Variants in NCS1 observed in about 807,000 individuals in gnomAD.
NCS1 encodes the protein frequenin homolog.
Under a neutral mutation model 28.4 loss-of-function variants are expected in NCS1, and 6 were observed. The ratio of observed to expected loss-of-function variants is 0.21; its 90% CI spans 0.12 to 0.42. The LOEUF (loss-of-function observed/expected upper bound fraction) is 0.42. Among genes scored for constraint, NCS1 ranks in the 10% least tolerant of loss-of-function variants. The probability of loss-of-function intolerance (pLI) is 1.00; values close to 1 mark genes in which losing one functional copy is unlikely to be tolerated. For synonymous variants in NCS1, 86 were observed against 99.3 expected (o/e 0.87, Z 0.79); for missense variants, 131 against 241.4 (o/e 0.54, Z 3.03).
At chr9:130,213,372 G>T (rs1376561580) in intron 2 of NCS1, among the ~76,000 whole-genome samples, 6 of 152,014 alleles carry the variant, frequency 3.9e-5, no homozygotes, top group Admixed American at 3.9e-4. Flanking sequence ...CCGCCTCCTG[G>T]GTTCTCACCA....
At chr9:130,200,599 G>A in intron 1 of NCS1, 1 of 1,551,818 alleles carries the variant, frequency 6.4e-7, no homozygotes, top group South Asian at 1.2e-5. Flanking sequence ...CAGGGATTGA[G>A]AGATGGCAAC....
intron 4 of NCS1, among the ~76,000 whole-genome samples, 154 bp from the exon 5 acceptor site, chr9:130,222,496 C>G (rs535017812): frequency 6.6e-6 from 1 of 152,080 alleles, no homozygotes; most frequent in East Asian, 1.9e-4. Flanking sequence ...GTGTGTCTGT[C>G]CCTGTCTATC....
intron 1 of NCS1, among the ~76,000 whole-genome samples, chr9:130,184,452 T>C (rs1832713312): frequency 1.3e-5 from 2 of 151,952 alleles, no homozygotes; most frequent in Admixed American, 6.6e-5. Context: ...TGCGAAAACA[T>C]TGGTGACAGG....
At chr9:130,174,783 C>A (rs1360792270) in intron 1 of NCS1, among the ~76,000 whole-genome samples, 14 of 67,952 alleles carry the variant, frequency 2.1e-4, no homozygotes, top group African/African-American at 1.1e-3. Context: ...GAGGGAAACT[C>A]TGTCTCCAAA....
chr9:130,212,149 C>T (rs1262423518), intron 2 of NCS1, among the ~76,000 whole-genome samples: 3 of 152,228 alleles, frequency 2.0e-5, no homozygotes, highest in East Asian at 1.9e-4. Context: ...GATGTTGGGA[C>T]GATGGGGCAG....
At position 130,173,191 on chromosome 9, in the gene NCS1, C is replaced by G. The variant is rs550296927; in HGVS notation, c.64+464C>G. The stretch of plus-strand genomic sequence containing the variant: ...TGGCCTGTCGCCCCCTCCCTGGCCC[C>G]GTTCGTGTGGGGGGGGGGGTGGCGA... On this transcript the variant is annotated intron_variant, in intron 1 of 7. Coordinates refer to ENST00000372398, the MANE Select transcript of NCS1 (RefSeq NM_014286.4). 1.7e-3 allele frequency among the ~76,000 whole-genome samples: 221 copies of G among 129,386 alleles called. 1 individual carries two copies. Among genetic ancestry groups the G allele is most frequent in the Non-Finnish European group, 2.4e-3 (146 of 62,118 alleles). The allele number at this position is 129,386 out of a possible 152,430, so 84.9% of individuals were successfully genotyped here.
At chr9:130,217,741 G>A (rs1833209256) in intron 2 of NCS1, 91 bp from the exon 3 acceptor site, 2 of 1,588,874 alleles carry the variant, frequency 1.3e-6, no homozygotes, top group Non-Finnish European at 8.6e-7. Flanking sequence ...AGGAGCCACA[G>A]CTTTCCTGGG....
chr9:130,192,712 G>A lies in NCS1; in HGVS notation c.65-8246G>A, dbSNP rs1399248226. On this transcript the variant is annotated intron_variant, in intron 1 of 7. Coordinates refer to ENST00000372398, the MANE Select transcript of NCS1 (RefSeq NM_014286.4). This position sits in a 1 kb window ranked among gnomAD's most constrained non-coding sequence, Gnocchi z 4.8. ...TGATGCTGCCGTGTGACTCCAGGGAGGTTCTCCCCCAGGAGCCGGTGCTGC... is the reference window on the plus strand; with the variant it reads ...TGATGCTGCCGTGTGACTCCAGGGAAGTTCTCCCCCAGGAGCCGGTGCTGC... Among the ~76,000 whole-genome samples, 1 of 152,276 alleles carries A rather than the reference G, an allele frequency of 6.6e-6. No individual in the cohort carries two copies. Among genetic ancestry groups the A allele is most frequent in the East Asian group, 1.9e-4 (1 of 5,172 alleles).
In NCS1 at chr9:130,189,103, G is replaced by A. The variant is rs150375303; in HGVS notation, c.65-11855G>A. 3.0e-3 allele frequency among the ~76,000 whole-genome samples: 455 copies of A among 152,336 alleles called. 6 individuals carry two copies. The highest frequency in any genetic ancestry group is 0.01 in the African/African-American group (435 of 41,564). ...TCTCCCCTGTTGTATCAGGGACTCA[G>A]AGGACAGGAACCTGTGTCTAGGTCA... On this transcript the variant is annotated intron_variant, in intron 1 of 7. Coordinates refer to ENST00000372398, the MANE Select transcript of NCS1 (RefSeq NM_014286.4).
At position 130,172,682 on chromosome 9, in the gene NCS1, A is replaced by C; in HGVS notation, c.19A>C (p.Lys7Gln). The change falls in exon 1 of 8, where the codon AAG becomes CAG. Residue 7 changes from lysine to glutamine, a missense_variant. By Grantham distance (53) the Lys-to-Gln change is moderately conservative (BLOSUM62 1). Coordinates refer to ENST00000372398, the MANE Select transcript of NCS1 (RefSeq NM_014286.4). Reference sequence around the variant, plus strand: ...GCCGAGGATGGGGAAATCCAACAGCAAGTTGAAGCCCGAAGTTGTGGAGGA... The same window carrying C: ...GCCGAGGATGGGGAAATCCAACAGCCAGTTGAAGCCCGAAGTTGTGGAGGA... MGKSNS[K>Q]LKPEVVEELT... 2 of 1,494,184 alleles carry C rather than the reference A, an allele frequency of 1.3e-6. No homozygotes were observed. The highest frequency in any genetic ancestry group is 9.0e-7 in the Non-Finnish European group (1 of 1,114,708). The allele number at this position is 1,494,184 out of a possible 1,614,324, so 92.6% of individuals were successfully genotyped here.
At chr9:130,212,113 G>A (rs564253311) in intron 2 of NCS1, among the ~76,000 whole-genome samples, 1 of 152,338 alleles carries the variant, frequency 6.6e-6, no homozygotes, top group African/African-American at 2.4e-5. Context: ...CATTGGCAAA[G>A]TGGGCGGGAT....
intron 2 of NCS1, among the ~76,000 whole-genome samples, chr9:130,208,122 G>A: frequency 6.6e-6 from 1 of 150,774 alleles, no homozygotes; most frequent in East Asian, 1.9e-4. Flanking sequence ...GGAGACAGCA[G>A]GGTACACACC....
At chr9:130,229,236 T>C (rs1833464366) in intron 7 of NCS1, among the ~76,000 whole-genome samples, 1 of 151,496 alleles carries the variant, frequency 6.6e-6, no homozygotes, top group Non-Finnish European at 1.5e-5. Flanking sequence ...AACCAATTTA[T>C]AAAGGAACTA....
chr9:130,193,280 C>T (rs374629425), intron 1 of NCS1, among the ~76,000 whole-genome samples: 7 of 151,988 alleles, frequency 4.6e-5, no homozygotes, highest in South Asian at 2.1e-4. Context: ...AGGCTGGAGA[C>T]GCACTGAGGC....
chr9:130,196,244 G>A (rs540653088), intron 1 of NCS1, among the ~76,000 whole-genome samples: 8 of 152,290 alleles, frequency 5.3e-5, no homozygotes, highest in Admixed American at 2.0e-4. Flanking sequence ...GGGGTGAAGA[G>A]GACAAACATT....
At chr9:130,196,789 C>A (rs537543083) in intron 1 of NCS1, among the ~76,000 whole-genome samples, 1 of 152,120 alleles carries the variant, frequency 6.6e-6, no homozygotes, top group African/African-American at 2.4e-5. Context: ...CTGTTACCAC[C>A]CCCACCTCAT....
chr9:130,223,610 C>T (rs1244500364), intron 6 of NCS1, among the ~76,000 whole-genome samples: 1 of 152,096 alleles, frequency 6.6e-6, no homozygotes, highest in Admixed American at 6.6e-5. Flanking sequence ...GTCCAGCAAC[C>T]CCCGAAATTG....
rs1186852676 is a variant in NCS1 at position 130,180,974 on chromosome 9, G to A, written c.64+8247G>A. 6.6e-6 allele frequency among the ~76,000 whole-genome samples: 1 copy of A among 152,206 alleles called. No homozygotes were observed. The highest frequency in any genetic ancestry group is 1.5e-5 in the Non-Finnish European group (1 of 68,036). ...GTGGCAGGCTGGCTTTTAGGCTCCT[G>A]TGCGCCCAGGGGCTCAGAGGATGGA... is the stretch of plus-strand genomic sequence containing the variant. On this transcript the variant is annotated intron_variant, in intron 1 of 7. Coordinates refer to ENST00000372398, the MANE Select transcript of NCS1 (RefSeq NM_014286.4). The surrounding 1 kb of genome is among the most constrained non-coding windows in gnomAD (Gnocchi z 4.5).
At chr9:130,178,327 C>T (rs1832604030) in intron 1 of NCS1, among the ~76,000 whole-genome samples, 1 of 152,246 alleles carries the variant, frequency 6.6e-6, no homozygotes, top group South Asian at 2.1e-4. Flanking sequence ...CAGCCTCCTC[C>T]TCACAGGCTC....
Sources: allele counts gnomAD v4.1 joint callset (sites outside exome capture counted in the v4.1 genomes callset), GRCh38; gene constraint gnomAD v4.1.1; non-coding constraint Gnocchi (gnomAD v3.1); transcripts MANE v1.5; gene names NCBI Gene and HGNC (gene_info 2026-07-23, HGNC 2026-07-21).